SMARCA2: variants seen among roughly 807,000 people sequenced by gnomAD.
The protein encoded by SMARCA2 is SWI/SNF-related matrix-associated actin-dependent regulator of chromatin subfamily A member 2.
Under a neutral mutation model 199.8 loss-of-function variants are expected in SMARCA2, and 61 were observed. The observed-to-expected ratio is 0.31, with a 90% CI of 0.25 to 0.38. The LOEUF is 0.38. SMARCA2 is among the 10% of genes least tolerant of loss of function. The pLI is 1.00. For missense variants in SMARCA2, 1,344 were observed against 2,012.2 expected, an observed-to-expected ratio of 0.67 and a Z score of 6.35; for synonymous variants, 935 against 732.0, an observed-to-expected ratio of 1.28 and a Z score of -4.48.
At chr9:2,081,325 A>G (rs1197807380) in intron 14 of SMARCA2, among the ~76,000 whole-genome samples, 1 of 152,140 alleles carries the variant, frequency 6.6e-6, no homozygotes, top group African/African-American at 2.4e-5. Flanking sequence ...CTGTCTGGGA[A>G]CTTTCTCTCT....
At chr9:2,084,406 G>A (rs893306901) in intron 17 of SMARCA2, among the ~76,000 whole-genome samples, 6 of 138,502 alleles carry the variant, frequency 4.3e-5, no homozygotes, top group South Asian at 4.6e-4. Context: ...GTGTGTGTGT[G>A]TGTGTGTGTG....
At chr9:2,131,084 G>A (rs1282291469) in intron 27 of SMARCA2, among the ~76,000 whole-genome samples, 1 of 152,180 alleles carries the variant, frequency 6.6e-6, no homozygotes, top group Non-Finnish European at 1.5e-5. Context: ...AACATTTAGT[G>A]ATATCCCTGA....
intron 33 of SMARCA2, 190 bp downstream of exon 33, chr9:2,191,598 GT>G: frequency 2.0e-6 from 1 of 510,508 alleles, no homozygotes; most frequent in Non-Finnish European, 3.4e-6. Context: ...TGGGGGCTTT[GT>G]TTATTGCCTT....
At chr9:2,078,399 G>A (rs574110582) in intron 14 of SMARCA2, among the ~76,000 whole-genome samples, 2 of 152,180 alleles carry the variant, frequency 1.3e-5, no homozygotes, top group South Asian at 4.1e-4. Flanking sequence ...TTGAGCTCCG[G>A]AGGTGGAGGT....
At chr9:2,080,930 C>T (rs373304077) in intron 14 of SMARCA2, among the ~76,000 whole-genome samples, 5 of 152,236 alleles carry the variant, frequency 3.3e-5, no homozygotes, top group African/African-American at 1.2e-4. Flanking sequence ...CTATCTGCTA[C>T]AGCTCCTTGC....
At chr9:2,062,034 C>T (rs1017843862) in intron 9 of SMARCA2, among the ~76,000 whole-genome samples, 9 of 152,068 alleles carry the variant, frequency 5.9e-5, no homozygotes, top group Admixed American at 3.9e-4. Flanking sequence ...ATAGACTGTG[C>T]AAAACTCCAG....
chr9:2,109,245 A>T (rs756310907), intron 23 of SMARCA2, among the ~76,000 whole-genome samples: 2 of 152,238 alleles, frequency 1.3e-5, no homozygotes, highest in African/African-American at 4.8e-5. Context: ...TGTAACATGC[A>T]TACATATTTC....
intron 3 of SMARCA2, among the ~76,000 whole-genome samples, chr9:2,038,909 C>T (rs983539771): frequency 2.3e-4 from 35 of 152,164 alleles, no homozygotes; most frequent in Admixed American, 1.3e-4. Flanking sequence ...TCGCTCTTCA[C>T]CTAAGAAATT....
At chr9:2,154,809 C>A (rs1029773543) in intron 27 of SMARCA2, among the ~76,000 whole-genome samples, 1 of 152,136 alleles carries the variant, frequency 6.6e-6, no homozygotes, top group African/African-American at 2.4e-5. Context: ...TAGTTTGTTA[C>A]CCTCTTTTGG....
chr9:2,190,712 ATTAG>A (rs759775138), intron 32 of SMARCA2, among the ~76,000 whole-genome samples: 1 of 152,190 alleles, frequency 6.6e-6, no homozygotes, highest in Non-Finnish European at 1.5e-5. Context: ...CCTGGAAATA[ATTAG>A]TTATAGGGAA....
At chr9:2,035,176 G>A (rs1179396617) in intron 3 of SMARCA2, among the ~76,000 whole-genome samples, 1 of 151,782 alleles carries the variant, frequency 6.6e-6, no homozygotes, top group Non-Finnish European at 1.5e-5. Context: ...TGAGTAGCTG[G>A]GACTACAGGC....
chr9:2,024,924 A>C (rs1242894548), intron 1 of SMARCA2, among the ~76,000 whole-genome samples: 1 of 152,222 alleles, frequency 6.6e-6, no homozygotes, highest in Non-Finnish European at 1.5e-5. Context: ...AGGTGTGTTC[A>C]AATATTACTC....
At chr9:2,176,835 G>A (rs1826644731) in intron 29 of SMARCA2, among the ~76,000 whole-genome samples, 2 of 152,126 alleles carry the variant, frequency 1.3e-5, no homozygotes, top group Admixed American at 1.3e-4. Context: ...GGGGATTGCA[G>A]GTGTGAGCCA....
intron 9 of SMARCA2, among the ~76,000 whole-genome samples, chr9:2,065,080 G>A (rs528745862): frequency 6.6e-6 from 1 of 152,280 alleles, no homozygotes; most frequent in African/African-American, 2.4e-5. Flanking sequence ...AGCTACTCAG[G>A]AGGCTGAGGT....
chr9:2,149,993 A>G (rs1193422186), intron 27 of SMARCA2, among the ~76,000 whole-genome samples: 1 of 151,504 alleles, frequency 6.6e-6, no homozygotes, highest in East Asian at 1.9e-4. Flanking sequence ...ACACTCCTCT[A>G]CTGACACTCT....
chr9:2,144,148 A>T (rs1824601840), intron 27 of SMARCA2, among the ~76,000 whole-genome samples: 1 of 152,146 alleles, frequency 6.6e-6, no homozygotes, highest in Non-Finnish European at 1.5e-5. Flanking sequence ...TAACTTGGAA[A>T]TGATTTTTTT....
intron 26 of SMARCA2, among the ~76,000 whole-genome samples, chr9:2,121,883 A>G (rs1228024633): frequency 6.6e-6 from 1 of 152,214 alleles, no homozygotes; most frequent in South Asian, 2.1e-4. Flanking sequence ...TTTAGATGCT[A>G]TGTTCTCTAC....
intron 6 of SMARCA2, 70 bp downstream of exon 6, chr9:2,054,793 G>C: frequency 2.0e-6 from 3 of 1,499,764 alleles, no homozygotes; most frequent in East Asian, 2.3e-5. Flanking sequence ...TGTTATCTGT[G>C]TTGCCTTTAG....
rs1822952142 is a variant in SMARCA2 at position 2,110,605 on chromosome 9, C to CT, written c.3456+191dup. ...CATAGATACGAGGTCCCACATATGC[C>CT]TTTGAAGAGCTGAAGTTTGAGGTAG... On this transcript the variant is annotated intron_variant, in intron 24 of 33. Transcript: ENST00000349721. The surrounding 1 kb of genome is among the most constrained non-coding windows in gnomAD (Gnocchi z 4.8). Among the ~76,000 whole-genome samples the CT allele has an allele frequency of 2.0e-5, 3 of 152,330 alleles. 1 individual carries two copies. In the South Asian group the frequency reaches 6.2e-4, roughly 32 times the overall value.
Sources: gnomAD v4.1 joint callset for allele counts (sites outside exome capture counted in the v4.1 genomes callset) on GRCh38, gnomAD v4.1.1 for gene constraint, Gnocchi (gnomAD v3.1) non-coding constraint, MANE v1.5 for transcripts, NCBI Gene and HGNC (gene_info 2026-07-23, HGNC 2026-07-21) for gene names.